LRP1B: variants seen among roughly 807,000 people sequenced by gnomAD.
LRP1B encodes the protein low-density lipoprotein receptor-related protein 1B.
In LRP1B, 217 loss-of-function variants were observed where a neutral mutation model predicts 556.6. The observed-to-expected ratio is 0.39, with a 90% CI of 0.35 to 0.44. The LOEUF (loss-of-function observed/expected upper bound fraction) is 0.44. Ranked by LOEUF, LRP1B falls within the 20% of genes least tolerant of loss-of-function variation. The pLI is 1.00. For synonymous variants in LRP1B, 2,047 were observed against 1,865.8 expected (o/e 1.10, Z -2.50); for missense variants, 5,053 against 5,620.8 (o/e 0.90, Z 3.23).
chr2:141,503,596 C>A (rs1357769955), intron 2 of LRP1B, among the ~76,000 whole-genome samples: 1 of 152,082 alleles, frequency 6.6e-6, no homozygotes, highest in Non-Finnish European at 1.5e-5. Context: ...CTCCTTCTAT[C>A]TGTATAATTT....
chr2:141,390,689 A>G (rs1369119162), intron 3 of LRP1B, among the ~76,000 whole-genome samples: 1 of 152,240 alleles, frequency 6.6e-6, no homozygotes, highest in Admixed American at 6.5e-5. Flanking sequence ...CAAAGGTCAC[A>G]TATTATATTA....
chr2:142,027,950 G>A (rs1703565069), intron 1 of LRP1B, among the ~76,000 whole-genome samples: 1 of 151,852 alleles, frequency 6.6e-6, no homozygotes, highest in Admixed American at 6.6e-5. Context: ...TTCCACTCTT[G>A]GTGAATGTTG....
chr2:141,463,534 ATATATTATATATAATTATATATAATATAT>A (rs1301285034), intron 3 of LRP1B, among the ~76,000 whole-genome samples: 47 of 47,476 alleles, frequency 9.9e-4, no homozygotes, highest in African/African-American at 2.2e-3. Flanking sequence ...ATATAAAATT[ATATATTATATATAATTATATATAATATAT>A]ATTATATATT....
intron 1 of LRP1B, among the ~76,000 whole-genome samples, chr2:141,829,011 C>G (rs1337943426): frequency 6.6e-6 from 1 of 152,012 alleles, no homozygotes; most frequent in African/African-American, 2.4e-5. Context: ...CAGTTACTAG[C>G]ACATATAATT....
intron 84 of LRP1B, among the ~76,000 whole-genome samples, chr2:140,282,105 C>A (rs149485439): frequency 2.0e-5 from 3 of 151,902 alleles, no homozygotes; most frequent in African/African-American, 7.2e-5. Context: ...TCCAAGATAT[C>A]CTTTGGCCAT....
chr2:141,460,482 G>A (rs1469815853), intron 3 of LRP1B, among the ~76,000 whole-genome samples: 1 of 152,152 alleles, frequency 6.6e-6, no homozygotes, highest in Non-Finnish European at 1.5e-5. Flanking sequence ...GGTTTCAACT[G>A]TCATTGGAGG....
chr2:140,480,212 G>T (rs1048231045), intron 59 of LRP1B, among the ~76,000 whole-genome samples: 1 of 152,146 alleles, frequency 6.6e-6, no homozygotes, highest in African/African-American at 2.4e-5. Flanking sequence ...GTTTTACAGA[G>T]GAAGTAATAT....
intron 1 of LRP1B, among the ~76,000 whole-genome samples, chr2:141,978,600 T>C (rs182884139): frequency 6.6e-6 from 1 of 151,966 alleles, no homozygotes; most frequent in East Asian, 1.9e-4. Context: ...AGGTTAATCA[T>C]AGGTGTTCTT....
In LRP1B at chr2:140,385,126, G is replaced by A. The variant is rs777529720; in HGVS notation, c.10531+767C>T. 3.3e-5 allele frequency among the ~76,000 whole-genome samples: 5 copies of A among 152,058 alleles called. No homozygotes were observed. The East Asian group carries it at 9.7e-4, about 29-fold the overall frequency. Reference sequence around the variant, plus strand: ...TAGCCAGGTGTGGTGGCATGCTTCCGTAGTCCCAGCTGGAAGGTTGAGGTG... The same window carrying A: ...TAGCCAGGTGTGGTGGCATGCTTCCATAGTCCCAGCTGGAAGGTTGAGGTG... On this transcript the variant is annotated intron_variant, in intron 67 of 90. Coordinates refer to ENST00000389484, the MANE Select transcript of LRP1B (RefSeq NM_018557.3).
chr2:141,936,200 A>G (rs891293174), intron 1 of LRP1B, among the ~76,000 whole-genome samples: 3 of 152,184 alleles, frequency 2.0e-5, no homozygotes, highest in Admixed American at 6.6e-5. Context: ...TTTAAATTCT[A>G]TTCAGAATAT....
intron 1 of LRP1B, among the ~76,000 whole-genome samples, chr2:142,014,850 C>T (rs966104002): frequency 5.9e-5 from 9 of 152,082 alleles, no homozygotes; most frequent in Non-Finnish European, 1.2e-4. Flanking sequence ...AACCTATTCT[C>T]AGACCTTCCA....
chr2:140,557,213 C>T (rs567347109), intron 43 of LRP1B, among the ~76,000 whole-genome samples: 1 of 152,204 alleles, frequency 6.6e-6, no homozygotes, highest in Non-Finnish European at 1.5e-5. Context: ...TTTTCTTCCT[C>T]ATAAGCAAAC....
At chr2:141,594,204 A>T (rs958724454) in intron 2 of LRP1B, among the ~76,000 whole-genome samples, 21 of 152,144 alleles carry the variant, frequency 1.4e-4, no homozygotes, top group Non-Finnish European at 1.8e-4. Flanking sequence ...TTCTTTGCTG[A>T]GAGCTTTCCT....
intron 7 of LRP1B, among the ~76,000 whole-genome samples, chr2:141,165,853 T>C (rs1680229825): frequency 6.6e-6 from 1 of 152,064 alleles, no homozygotes. Context: ...TTTTCTTAAA[T>C]GTGAAATGCG....
At chr2:140,440,391 A>T (rs1439188504) in intron 66 of LRP1B, among the ~76,000 whole-genome samples, 4 of 152,188 alleles carry the variant, frequency 2.6e-5, no homozygotes, top group African/African-American at 9.6e-5. Context: ...TCTAGAGAAG[A>T]TCTGTTCTTA....
intron 18 of LRP1B, among the ~76,000 whole-genome samples, chr2:140,954,366 GA>G (rs1695811709): frequency 1.3e-5 from 2 of 152,190 alleles, no homozygotes; most frequent in South Asian, 4.1e-4. Context: ...ACTCAGATAT[GA>G]TGAGATCTAA....
chr2:140,269,136 T>G (rs1682342732), intron 86 of LRP1B: 3 of 394,522 alleles, frequency 7.6e-6, no homozygotes, highest in South Asian at 5.8e-5. Flanking sequence ...GTTAAGTGTG[T>G]ATGACACAGA....
At chr2:141,330,064 AATC>A (rs1687585487) in intron 3 of LRP1B, among the ~76,000 whole-genome samples, 2 of 152,166 alleles carry the variant, frequency 1.3e-5, no homozygotes, top group African/African-American at 2.4e-5. Flanking sequence ...CAAAATGACT[AATC>A]ATCAACTCTT....
chr2:141,083,620 A>G (rs1300895205), intron 7 of LRP1B, among the ~76,000 whole-genome samples: 1 of 152,190 alleles, frequency 6.6e-6, no homozygotes, highest in Non-Finnish European at 1.5e-5. Context: ...GGGTCATAAG[A>G]GCTCTGCTTT....
Sources: gnomAD v4.1 joint callset for allele counts (sites outside exome capture counted in the v4.1 genomes callset) on GRCh38, gnomAD v4.1.1 for gene constraint, MANE v1.5 for transcripts, NCBI Gene and HGNC (gene_info 2026-07-23, HGNC 2026-07-21) for gene names.